The following UTP20 variants were observed in gnomAD, a reference collection of about 807,000 sequenced individuals.
UTP20 encodes the protein small subunit processome component 20 homolog.
A neutral mutation model predicts 329.5 loss-of-function variants in UTP20; 164 were observed. That is an observed-to-expected ratio of 0.50 (90% CI 0.44 to 0.57). UTP20 has a LOEUF of 0.57. Ranked by LOEUF, UTP20 falls within the 20% of genes least tolerant of loss-of-function variation. The pLI, the probability that UTP20 is intolerant of heterozygous loss-of-function variation, is 0.00. For synonymous variants in UTP20, 1,151 were observed against 1,159.3 expected (o/e 0.99, Z 0.14); for missense variants, 3,055 against 3,284.2 (o/e 0.93, Z 1.71).
chr12:101,327,665 C>A (rs1330542934), intron 26 of UTP20, among the ~76,000 whole-genome samples: 5 of 152,154 alleles, frequency 3.3e-5, no homozygotes, highest in Admixed American at 3.3e-4. Flanking sequence ...ACCTCCTGTG[C>A]CCTGGACACT....
chr12:101,322,078 C>G (rs914030372), intron 25 of UTP20, among the ~76,000 whole-genome samples: 1 of 152,144 alleles, frequency 6.6e-6, no homozygotes, highest in African/African-American at 2.4e-5. Context: ...AACCTCCGCC[C>G]TCCCAGGTTC....
intron 44 of UTP20, 49 bp from the exon 45 acceptor site, chr12:101,363,527 A>G (rs776085065): frequency 7.2e-6 from 11 of 1,535,932 alleles, no homozygotes; most frequent in Admixed American, 5.8e-5. Context: ...TTATGTTGGC[A>G]TATCTTGCTG....
At chr12:101,306,793 A>C (rs762599823) in intron 17 of UTP20, 32 bp downstream of exon 17, 5 of 1,559,504 alleles carry the variant, frequency 3.2e-6, no homozygotes, top group Non-Finnish European at 4.3e-6. Flanking sequence ...ATAGGTTTTA[A>C]AAAAATATAG....
intron 35 of UTP20, 103 bp downstream of exon 35, chr12:101,343,196 CA>C: frequency 1.4e-6 from 1 of 732,528 alleles, no homozygotes; most frequent in Non-Finnish European, 2.0e-6. Context: ...TGAGGGGGGA[CA>C]AAGGTTTTTA....
intron 12 of UTP20, among the ~76,000 whole-genome samples, chr12:101,298,905 C>A: frequency 6.6e-6 from 1 of 150,546 alleles, no homozygotes; most frequent in South Asian, 2.1e-4. Flanking sequence ...CCCTACCTGA[C>A]CATTTTTTGG....
In UTP20 at chr12:101,366,070, A is replaced by G. The variant is rs542255882; in HGVS notation, c.6125+445A>G. Among the ~76,000 whole-genome samples, 814 of 152,264 alleles carry G rather than the reference A, an allele frequency of 5.3e-3. 2 individuals carry two copies. Among genetic ancestry groups the G allele is most frequent in the Middle Eastern group, 0.017 (5 of 294 alleles). On this transcript the variant is annotated intron_variant, in intron 46 of 61. Coordinates refer to ENST00000261637, the MANE Select transcript of UTP20 (RefSeq NM_014503.3). ...ACTTGGTGAAACCCCATTCTCTACT[A>G]AAAACACAAAAATTAGCCAGGCATG...
chr12:101,379,936 C>T (rs147806851), intron 57 of UTP20, among the ~76,000 whole-genome samples: 9 of 152,120 alleles, frequency 5.9e-5, no homozygotes, highest in African/African-American at 2.2e-4. Context: ...TCTTCTGCCT[C>T]AGCCTCCCGG....
intron 47 of UTP20, among the ~76,000 whole-genome samples, chr12:101,367,641 T>C (rs896045556): frequency 3.3e-5 from 5 of 152,200 alleles, no homozygotes; most frequent in Non-Finnish European, 7.4e-5. Flanking sequence ...CTGAGAAAAT[T>C]GACTGGTAAA....
chr12:101,290,862 T>G lies in UTP20; in HGVS notation c.865T>G (p.Phe289Val), dbSNP rs1204130358. Residue 289 changes from phenylalanine (F) to valine (V), a missense_variant, in exon 8 of 62, where the codon TTT (phenylalanine) becomes GTT (valine). Physicochemically the swap from Phe to Val is conservative, Grantham distance 50 (BLOSUM62 -1). Coordinates refer to ENST00000261637, the MANE Select transcript of UTP20 (RefSeq NM_014503.3). The part of the protein sequence containing the change: ...STVSYISKEH[F>V]GTFFECLQES... ...TGTATCCTACATCTCCAAGGAACATTTTGGTACATTTTTTGAATGTTTGCA... is the reference window on the plus strand; with the variant it reads ...TGTATCCTACATCTCCAAGGAACATGTTGGTACATTTTTTGAATGTTTGCA... The G allele has an allele frequency of 6.2e-7, 1 of 1,612,614 alleles. No homozygotes were observed. Among genetic ancestry groups the G allele is most frequent in the South Asian group, 1.1e-5 (1 of 90,518 alleles).
At position 101,290,338 on chromosome 12, in the gene UTP20, T is replaced by A; in HGVS notation, c.735+64T>A. ...GGATGAAACAGAAAGTAGAAAAGAA[T>A]GAGGCAAATGATGTGGAGGGAAGAC... is the stretch of plus-strand genomic sequence containing the variant. On this transcript the variant is annotated intron_variant, in intron 7 of 61. Transcript: ENST00000261637. The A allele has an allele frequency of 4.0e-6, 6 of 1,514,506 alleles. No homozygotes were observed. The South Asian group carries it at 5.7e-5, about 14-fold the overall frequency. The allele number at this position is 1,514,506 out of a possible 1,614,324, so 93.8% of individuals were successfully genotyped here. A position where few individuals can be genotyped will look rare whatever the true frequency, so the allele number is the denominator to read the frequency against.
At chr12:101,370,846 CTCACCATTTTAAAAAAT>C (rs1356222444) in intron 50 of UTP20, among the ~76,000 whole-genome samples, 195 bp from the exon 51 acceptor site, 3 of 152,144 alleles carry the variant, frequency 2.0e-5, no homozygotes, top group Non-Finnish European at 4.4e-5. Context: ...TAACATAAAA[CTCACCATTTTAAAAAAT>C]TCACCATTTT....
intron 27 of UTP20, among the ~76,000 whole-genome samples, chr12:101,332,522 C>T (rs1294710857): frequency 6.6e-6 from 1 of 152,024 alleles, no homozygotes; most frequent in Non-Finnish European, 1.5e-5. Context: ...AAATTGGCTG[C>T]GTATTTGTGA....
Position 101,383,057 on chromosome 12 carries a change from T to C in UTP20, c.7673T>C (p.Leu2558Ser), listed in dbSNP as rs1198811953. 1 of 1,593,944 alleles carries C rather than the reference T, an allele frequency of 6.3e-7. No homozygotes were observed. The highest frequency in any genetic ancestry group is 8.5e-7 in the Non-Finnish European group (1 of 1,174,134). Reference protein sequence around the residue: ...SLGEQVVKNLLFAAKVLYLLE... With the variant: ...SLGEQVVKNLSFAAKVLYLLE... ...TTTTTAAAGGTTGTTAAGAATTTGT[T>C]GTTCGCAGCCAAAGTCTTGTATTTA... Residue 2558 changes from leucine to serine, a missense_variant, in exon 59 of 62, where the codon TTG becomes TCG. Coordinates refer to ENST00000261637, the MANE Select transcript of UTP20 (RefSeq NM_014503.3).
chr12:101,383,340 C>G (rs2121069316), intron 59 of UTP20, 27 bp downstream of exon 59: 1 of 1,583,330 alleles, frequency 6.3e-7, no homozygotes, highest in Non-Finnish European at 8.6e-7. Flanking sequence ...GAATGACTGA[C>G]AGTAGTCATT....
rs1428039371 is a variant in UTP20 at position 101,281,188 on chromosome 12, T to C, written c.118T>C (p.Tyr40His). The change falls in exon 2 of 62, where the codon TAT (tyrosine) becomes CAT (histidine). Residue 40 changes from tyrosine (Y) to histidine (H), a missense_variant. By Grantham distance (83) the Tyr-to-His change is moderately conservative (BLOSUM62 2). Around this residue, in one of 3 missense-constraint regions of UTP20, gnomAD observed 2,445 missense variants for 2,575.5 expected, o/e 0.95. Transcript: ENST00000261637. The part of the protein sequence containing the change: ...IIHRIDRTAS[Y>H]EEEVETYFFE... ...TCACCGGATTGATAGAACTGCAAGCTATGAGGAGGTAAGAGAATGTGATAC... is the reference window on the plus strand; with the variant it reads ...TCACCGGATTGATAGAACTGCAAGCCATGAGGAGGTAAGAGAATGTGATAC... The C allele has an allele frequency of 1.2e-6, 2 of 1,612,652 alleles. No homozygotes were observed. The highest frequency in any genetic ancestry group is 2.7e-5 in the African/African-American group (2 of 74,882).
chr12:101,347,365 A>T (rs926262806), intron 38 of UTP20, among the ~76,000 whole-genome samples: 2 of 152,120 alleles, frequency 1.3e-5, no homozygotes, highest in South Asian at 2.1e-4. Context: ...TGCACCAAAG[A>T]TATAAAAATT....
intron 59 of UTP20, 85 bp from the exon 60 acceptor site, chr12:101,383,458 G>A: frequency 6.5e-7 from 1 of 1,537,918 alleles, no homozygotes; most frequent in Non-Finnish European, 8.8e-7. Context: ...AATAGACTGA[G>A]CCCTGTTTTC....
At chr12:101,281,986 A>G (rs1184189889) in intron 2 of UTP20, among the ~76,000 whole-genome samples, 1 of 152,152 alleles carries the variant, frequency 6.6e-6, no homozygotes, top group Non-Finnish European at 1.5e-5. Flanking sequence ...TACAGGTGTG[A>G]GCCACCACGC....
chr12:101,288,935 T>G (rs745324105), intron 5 of UTP20, 25 bp from the exon 6 acceptor site: 2 of 1,574,598 alleles, frequency 1.3e-6, no homozygotes, highest in Non-Finnish European at 1.7e-6. Flanking sequence ...ATTAATGAAA[T>G]GTATCTTATT....
Sources: allele counts gnomAD v4.1 joint callset (sites outside exome capture counted in the v4.1 genomes callset), GRCh38; gene constraint gnomAD v4.1.1; regional missense constraint gnomAD v4.1.1; transcripts MANE v1.5; gene names NCBI Gene and HGNC (gene_info 2026-07-23, HGNC 2026-07-21).